COL5A3: variants seen among roughly 807,000 people sequenced by gnomAD.
COL5A3 encodes collagen alpha-3(V) chain.
COL5A3 carries 172 observed loss-of-function variants against 250.0 expected under a neutral mutation model. The ratio of observed to expected loss-of-function variants is 0.69; its 90% CI spans 0.61 to 0.78. The LOEUF (loss-of-function observed/expected upper bound fraction) is 0.78, where lower values mean the gene tolerates loss of function less well. Ranked by LOEUF, COL5A3 falls within the 30% of genes least tolerant of loss-of-function variation. The pLI, the probability that COL5A3 is intolerant of heterozygous loss-of-function variation, is 0.00. For synonymous variants in COL5A3, 937 were observed against 900.4 expected (o/e 1.04, Z -0.73); for missense variants, 2,340 against 2,334.4 (o/e 1.00, Z -0.05).
chr19:9,969,969 T>A, intron 54 of COL5A3, 47 bp from the exon 55 acceptor site: 1 of 1,559,182 alleles, frequency 6.4e-7, no homozygotes, highest in Non-Finnish European at 8.8e-7. Context: ...TGACTGAGGG[T>A]CAGAGGGGTG....
At chr19:9,964,760 C>T (rs2086714835) in intron 64 of COL5A3, among the ~76,000 whole-genome samples, 1 of 148,970 alleles carries the variant, frequency 6.7e-6, no homozygotes, top group African/African-American at 2.5e-5. Context: ...TGCGGTGGCT[C>T]ATGCCTGTAA....
chr19:9,995,629 CA>C lies in COL5A3; in HGVS notation c.1534-13del. 2 of 1,563,230 alleles carry C rather than the reference CA, an allele frequency of 1.3e-6. No homozygotes were observed. The highest frequency in any genetic ancestry group is 2.3e-5 in the East Asian group (1 of 44,056). ...AGGCCTCGGGGACCCTAGAAGAAAG[CA>C]AAAAGGAGGAAGGAAAGGAAAATAA... On this transcript the variant is annotated splice_polypyrimidine_tract_variant and intron_variant, in intron 15 of 66. Coordinates refer to ENST00000264828, the MANE Select transcript of COL5A3 (RefSeq NM_015719.4).
chr19:9,980,926 T>G, intron 33 of COL5A3, 67 bp from the exon 34 acceptor site: 1 of 1,542,816 alleles, frequency 6.5e-7, no homozygotes. Flanking sequence ...TGAGACCAAG[T>G]CTTCCAGGTC....
intron 31 of COL5A3, among the ~76,000 whole-genome samples, chr19:9,983,681 G>A (rs1370427020): frequency 2.7e-5 from 3 of 109,690 alleles, no homozygotes; most frequent in African/African-American, 9.5e-5. Flanking sequence ...GAAAAAAGAA[G>A]AAAGAAAGAA....
At chr19:9,963,987 G>T (rs950593056) in intron 64 of COL5A3, among the ~76,000 whole-genome samples, 3 of 151,662 alleles carry the variant, frequency 2.0e-5, no homozygotes, top group Non-Finnish European at 2.9e-5. Flanking sequence ...TGGCCAACAT[G>T]GTGAAACCCC....
Position 10,005,636 on chromosome 19 carries a change from C to T in COL5A3, c.516G>A (p.Leu172=). Residue 172 remains leucine (L), a synonymous_variant, in exon 4 of 67, where the codon TTG becomes TTA. Coordinates refer to ENST00000264828, the MANE Select transcript of COL5A3 (RefSeq NM_015719.4). Reference sequence around the variant, plus strand: ...TGCTGATGAAGCGGGGGCCATGGCCCAAAACAGGGGGCTGAGCTTCACAGT... The same window carrying T: ...TGCTGATGAAGCGGGGGCCATGGCCTAAAACAGGGGGCTGAGCTTCACAGT... The part of the protein sequence containing the change: ...VADCEAQPPV[L]GHGPRFISIA... The T allele has an allele frequency of 6.8e-6, 11 of 1,614,108 alleles. No homozygotes were observed. The highest frequency in any genetic ancestry group is 9.3e-6 in the Non-Finnish European group (11 of 1,179,982).
chr19:9,988,855 A>AAAAAAAAAAAAAGAGAGAGAGAGAAAG (rs1269531312), intron 27 of COL5A3, among the ~76,000 whole-genome samples: 1 of 104,732 alleles, frequency 9.5e-6, no homozygotes, highest in African/African-American at 4.5e-5. Context: ...AAAAAAAAAA[A>AAAAAAAAAAAAAGAGAGAGAGAGAAAG]AAAGAAAGTA....
At chr19:9,984,053 C>T (rs1437880076) in intron 31 of COL5A3, among the ~76,000 whole-genome samples, 5 of 151,736 alleles carry the variant, frequency 3.3e-5, no homozygotes, top group Admixed American at 1.3e-4. Context: ...GAGACAGAGT[C>T]TCACTCTGTT....
intron 53 of COL5A3, 138 bp from the exon 54 acceptor site, chr19:9,970,813 C>A: frequency 2.0e-6 from 2 of 1,009,504 alleles, no homozygotes; most frequent in East Asian, 3.1e-5. Context: ...CACCTACTCC[C>A]TCAAGCTGCT....
chr19:9,972,950 G>C lies in COL5A3; in HGVS notation c.3743C>G (p.Pro1248Arg). The change falls in exon 51 of 67, where the codon CCC (proline) becomes CGC (arginine). Residue 1248 changes from proline to arginine, a missense_variant. By Grantham distance (103) the Pro-to-Arg change is moderately radical. Around this residue, in one of 3 missense-constraint regions of COL5A3, gnomAD observed 1,179 missense variants for 1,162.6 expected, o/e 1.01. Transcript: ENST00000264828. ...GAAGPPGKKG[P>R]PGEDGAKGSV... The stretch of plus-strand genomic sequence containing the variant: ...CCCTTTGGCTCCATCCTCTCCAGGG[G>C]GACCTTTCTTGCCTGGGGGTCCAGC... 1 of 1,611,374 alleles carries C rather than the reference G, an allele frequency of 6.2e-7. No homozygotes were observed. The highest frequency in any genetic ancestry group is 8.5e-7 in the Non-Finnish European group (1 of 1,178,990).
At chr19:9,983,565 A>AAAG (rs1491306659) in intron 31 of COL5A3, among the ~76,000 whole-genome samples, 2 of 86,656 alleles carry the variant, frequency 2.3e-5, no homozygotes, top group African/African-American at 7.3e-5. Context: ...AGAAAGAAAG[A>AAAG]AAGAAAGAAA....
At chr19:10,005,282 G>A (rs1443222153) in intron 4 of COL5A3, among the ~76,000 whole-genome samples, 1 of 151,742 alleles carries the variant, frequency 6.6e-6, no homozygotes, top group Non-Finnish European at 1.5e-5. Flanking sequence ...CCCATGAGGT[G>A]GAGGTTGCAG....
Position 9,960,826 on chromosome 19 carries a change from A to G in COL5A3, c.4916T>C (p.Leu1639Pro). Residue 1639 changes from leucine (L) to proline (P), a missense_variant, in exon 66 of 67, where the codon CTG becomes CCG. Physicochemically the swap from Leu to Pro is moderately conservative, Grantham distance 98 (BLOSUM62 -3). Coordinates refer to ENST00000264828, the MANE Select transcript of COL5A3 (RefSeq NM_015719.4). Reference protein sequence around the residue: ...NVVQLNFLKLLSATARQNFTY... With the variant: ...NVVQLNFLKLPSATARQNFTY... The stretch of plus-strand genomic sequence containing the variant: ...GAAGTTCTGGCGAGCTGTGGCACTC[A>G]GCAGTTTCAGGAAGTTCAGCTGCAC... 1 of 1,613,100 alleles carries G rather than the reference A, an allele frequency of 6.2e-7. No individual in the cohort carries two copies. The highest frequency in any genetic ancestry group is 8.5e-7 in the Non-Finnish European group (1 of 1,180,034).
Position 10,001,786 on chromosome 19 carries a change from G to A in COL5A3, c.945C>T (p.Leu315=). 3 of 1,614,082 alleles carry A rather than the reference G, an allele frequency of 1.9e-6. No individual in the cohort carries two copies. The highest frequency in any genetic ancestry group is 8.5e-7 in the Non-Finnish European group (1 of 1,179,966). Residue 315 remains leucine (L), a synonymous_variant, in exon 7 of 67, where the codon CTC becomes CTT. Transcript: ENST00000264828. The part of the protein sequence containing the change: ...LVVTSTVTTG[L]NATILERSLD... ...ATCCAACCTCTAGGATCGTGGCATT[G>A]AGTCCAGTAGTCACAGTGGAGGTGA...
intron 15 of COL5A3, 193 bp downstream of exon 15, chr19:9,995,873 G>T (rs943531696): frequency 6.5e-6 from 4 of 616,162 alleles, no homozygotes; most frequent in Non-Finnish European, 8.3e-6. Flanking sequence ...TGAACTCCTG[G>T]CCTCAAGCAA....
At chr19:9,982,463 T>G (rs983533290) in intron 31 of COL5A3, among the ~76,000 whole-genome samples, 4 of 152,212 alleles carry the variant, frequency 2.6e-5, no homozygotes, top group Admixed American at 6.5e-5. Flanking sequence ...ATTGCCCAAG[T>G]CACCCTCTGT....
chr19:9,977,033 C>T (rs577917044), intron 44 of COL5A3, among the ~76,000 whole-genome samples, 196 bp downstream of exon 44: 6 of 152,132 alleles, frequency 3.9e-5, no homozygotes, highest in African/African-American at 1.4e-4. Flanking sequence ...CCTATCCTGT[C>T]TGCAGTTGGG....
Position 10,001,819 on chromosome 19 carries a change from A to T in COL5A3, c.912T>A (p.Pro304=), listed in dbSNP as rs750815268. Residue 304 remains proline, a synonymous_variant, in exon 7 of 67, where the codon CCT becomes CCA. Coordinates refer to ENST00000264828, the MANE Select transcript of COL5A3 (RefSeq NM_015719.4). ...TAGTCACAGTGGAGGTGACGACCAAAGGCGTGGGGGTCGGAGGCAGATTTG... is the reference window on the plus strand; with the variant it reads ...TAGTCACAGTGGAGGTGACGACCAATGGCGTGGGGGTCGGAGGCAGATTTG... The part of the protein sequence containing the change: ...PAPNLPPTPT[P]LVVTSTVTTG... 6.2e-7 allele frequency: 1 copy of T among 1,614,070 alleles called. No homozygotes were observed. The highest frequency in any genetic ancestry group is 8.5e-7 in the Non-Finnish European group (1 of 1,180,000).
At chr19:9,971,831 A>G (rs900726867) in intron 51 of COL5A3, among the ~76,000 whole-genome samples, 8 of 151,640 alleles carry the variant, frequency 5.3e-5, no homozygotes, top group East Asian at 1.9e-4. Context: ...TTGCCATTCA[A>G]TGATGTATAA....
Sources: gnomAD v4.1 joint callset for allele counts (sites outside exome capture counted in the v4.1 genomes callset) on GRCh38, gnomAD v4.1.1 for gene constraint, gnomAD v4.1.1 regional missense constraint, MANE v1.5 for transcripts, NCBI Gene and HGNC (gene_info 2026-07-23, HGNC 2026-07-21) for gene names.